The following EEPD1 variants were observed in gnomAD, a reference collection of about 807,000 sequenced individuals.
EEPD1 encodes the protein endonuclease/exonuclease/phosphatase family domain-containing protein 1.
Under a neutral mutation model 46.3 loss-of-function variants are expected in EEPD1, and 17 were observed. That is an observed-to-expected ratio of 0.37 (90% CI 0.25 to 0.55). EEPD1 has a LOEUF of 0.55. Among genes scored for constraint, EEPD1 ranks in the 20% least tolerant of loss-of-function variants. The pLI is 0.83. For missense variants in EEPD1, 673 were observed against 745.6 expected, an observed-to-expected ratio of 0.90 and a Z score of 1.13; for synonymous variants, 313 against 315.6, an observed-to-expected ratio of 0.99 and a Z score of 0.09.
chr7:36,251,459 C>T (rs939776596), intron 3 of EEPD1, among the ~76,000 whole-genome samples: 1 of 152,152 alleles, frequency 6.6e-6, no homozygotes, highest in African/African-American at 2.4e-5. Context: ...TACAGGCATG[C>T]ACCATCTTGC....
At position 36,160,686 on chromosome 7, in the gene EEPD1, G is replaced by A. The variant is rs866145356; in HGVS notation, c.878+5484G>A. Among the ~76,000 whole-genome samples, 622 of 149,478 alleles carry A rather than the reference G, an allele frequency of 4.2e-3. 21 individuals carry two copies. Among genetic ancestry groups the A allele is most frequent in the African/African-American group, 0.014 (591 of 41,004 alleles). On this transcript the variant is annotated intron_variant, in intron 2 of 7. Transcript: ENST00000242108. ...ACTGCTGGGAGGTGGTGGGGGGCGG[G>A]GCGTGCATGGAGAGGGTCCTGGGAG...
At chr7:36,199,081 A>G (rs1039740030) in intron 2 of EEPD1, among the ~76,000 whole-genome samples, 2 of 151,910 alleles carry the variant, frequency 1.3e-5, no homozygotes, top group Non-Finnish European at 2.9e-5. Context: ...GGAGGCACAC[A>G]TTTTGCATGC....
intron 7 of EEPD1, 146 bp from the exon 8 acceptor site, chr7:36,298,861 A>G: frequency 1.2e-6 from 1 of 846,312 alleles, no homozygotes; most frequent in Non-Finnish European, 1.9e-6. Context: ...AGGCAAATGC[A>G]CAGGCACCTT....
At chr7:36,219,806 A>AGAGTGTGTGTGTGTGTGT (rs1341203087) in intron 2 of EEPD1, among the ~76,000 whole-genome samples, 11 of 75,436 alleles carry the variant, frequency 1.5e-4, no homozygotes, top group African/African-American at 2.3e-4. Flanking sequence ...AGAGAGAGAG[A>AGAGTGTGTGTGTGTGTGT]GTGTGTGTGT....
chr7:36,276,168 G>A (rs949429732), intron 3 of EEPD1, among the ~76,000 whole-genome samples: 2 of 152,154 alleles, frequency 1.3e-5, no homozygotes, highest in African/African-American at 4.8e-5. Flanking sequence ...CACAGGATGA[G>A]GTAGGAGGTC....
Position 36,155,098 on chromosome 7 carries a change from G to A in EEPD1, c.774G>A (p.Arg258=), listed in dbSNP as rs749365066. The A allele has an allele frequency of 1.9e-6, 3 of 1,578,478 alleles. No homozygotes were observed. The highest frequency in any genetic ancestry group is 2.6e-6 in the Non-Finnish European group (3 of 1,161,848). The change falls in exon 2 of 8, where the codon AGG becomes AGA. Residue 258 remains arginine, a synonymous_variant. Transcript: ENST00000242108. ...CCTTTGGAGGCACAAGGGATGGGAG[G>A]CCTGTGCTGAGGCTGGCCACCTGGA... ...VEAFGGTRDG[R]PVLRLATWNL... is the part of the protein sequence containing the mutation.
chr7:36,195,924 C>G (rs997006429), intron 2 of EEPD1, among the ~76,000 whole-genome samples: 1 of 152,148 alleles, frequency 6.6e-6, no homozygotes, highest in Non-Finnish European at 1.5e-5. Flanking sequence ...TAGGCGATTT[C>G]TTCATTGTGC....
chr7:36,283,804 G>A (rs1380178790), intron 4 of EEPD1, among the ~76,000 whole-genome samples: 1 of 152,230 alleles, frequency 6.6e-6, no homozygotes, highest in Admixed American at 6.5e-5. Context: ...GCTCAGGAGG[G>A]TGGTTGTGCA....
At chr7:36,229,276 A>T (rs1176430656) in intron 2 of EEPD1, 1 of 152,238 alleles carries the variant, frequency 6.6e-6, no homozygotes, top group Non-Finnish European at 1.5e-5. Flanking sequence ...TAGTCCAGGC[A>T]TCATTAACAA....
chr7:36,299,429 G>A lies in EEPD1; in HGVS notation c.*223G>A, dbSNP rs536218033. ...CCAGGTGGGCAAAGCAGAAACCTGCGGGGAGCGGAGACGCCTTTTATCTCT... is the reference window on the plus strand; with the variant it reads ...CCAGGTGGGCAAAGCAGAAACCTGCAGGGAGCGGAGACGCCTTTTATCTCT... On this transcript the variant is annotated 3_prime_UTR_variant, in exon 8 of 8. Transcript: ENST00000242108. 5.5e-5 allele frequency: 33 copies of A among 599,730 alleles called. No homozygotes were observed. Among genetic ancestry groups the A allele is most frequent in the East Asian group, 1.1e-4 (4 of 35,448 alleles). The allele number at this position is 599,730 out of a possible 1,614,324, so 37.2% of individuals were successfully genotyped here.
chr7:36,238,842 A>T, intron 2 of EEPD1, 143 bp from the exon 3 acceptor site: 1 of 688,806 alleles, frequency 1.5e-6, no homozygotes, highest in South Asian at 2.3e-5. Flanking sequence ...ATTTTGATTT[A>T]AATAAAAGGT....
intron 2 of EEPD1, among the ~76,000 whole-genome samples, chr7:36,227,577 A>T (rs553300882): frequency 1.3e-5 from 2 of 152,234 alleles, no homozygotes; most frequent in African/African-American, 4.8e-5. Flanking sequence ...ACAGGCCTGC[A>T]TGTAACACCC....
At chr7:36,172,386 C>T (rs756600871) in intron 2 of EEPD1, among the ~76,000 whole-genome samples, 19 of 152,328 alleles carry the variant, frequency 1.2e-4, no homozygotes, top group Non-Finnish European at 1.9e-4. Flanking sequence ...GGTTCGAGAA[C>T]TTCCAGATGG....
intron 3 of EEPD1, among the ~76,000 whole-genome samples, chr7:36,272,961 C>G (rs968020965): frequency 4.6e-5 from 7 of 152,330 alleles, no homozygotes; most frequent in Non-Finnish European, 1.0e-4. Flanking sequence ...GGCCCACCAG[C>G]CCCGGCCCCT....
At chr7:36,223,895 A>G (rs749121445) in intron 2 of EEPD1, among the ~76,000 whole-genome samples, 32 of 152,228 alleles carry the variant, frequency 2.1e-4, no homozygotes, top group Non-Finnish European at 1.9e-4. Flanking sequence ...TAATATAATC[A>G]AGGCTTAGCA....
At chr7:36,238,060 C>A (rs1164767584) in intron 2 of EEPD1, among the ~76,000 whole-genome samples, 1 of 152,296 alleles carries the variant, frequency 6.6e-6, no homozygotes, top group Admixed American at 6.5e-5. Context: ...ATTCCCAGAA[C>A]TGAGGGTTCC....
intron 2 of EEPD1, among the ~76,000 whole-genome samples, chr7:36,196,569 G>T (rs1385912647): frequency 6.6e-6 from 1 of 152,212 alleles, no homozygotes; most frequent in East Asian, 1.9e-4. Flanking sequence ...GCGCCGCCAC[G>T]CCTGACTGGT....
At chr7:36,175,570 C>T (rs572404683) in intron 2 of EEPD1, among the ~76,000 whole-genome samples, 1 of 151,650 alleles carries the variant, frequency 6.6e-6, no homozygotes, top group African/African-American at 2.4e-5. Flanking sequence ...ATTAGAGTCA[C>T]ATTTAGTTGA....
In EEPD1 at chr7:36,154,832, C is replaced by G. The variant is rs1300470266; in HGVS notation, c.508C>G (p.Pro170Ala). 3.1e-6 allele frequency: 5 copies of G among 1,614,082 alleles called. No homozygotes were observed. Among genetic ancestry groups the G allele is most frequent in the Non-Finnish European group, 4.2e-6 (5 of 1,180,048 alleles). ...CGTGGACTTCCGCCGTGAGCATGGG[C>G]CCTTTCGCAGCGTTGAGGACCTAGT... is the stretch of plus-strand genomic sequence containing the variant. Reference protein sequence around the residue: ...SIVDFRREHGPFRSVEDLVRM... With the variant: ...SIVDFRREHGAFRSVEDLVRM... The change falls in exon 2 of 8, where the codon CCC becomes GCC. Residue 170 changes from proline (P) to alanine (A), a missense_variant. Pro to Ala is a conservative substitution (Grantham distance 27). Transcript: ENST00000242108. The surrounding 1 kb of genome is among the most constrained non-coding windows in gnomAD (Gnocchi z 4.2).
Sources: allele counts gnomAD v4.1 joint callset (sites outside exome capture counted in the v4.1 genomes callset), GRCh38; gene constraint gnomAD v4.1.1; non-coding constraint Gnocchi (gnomAD v3.1); transcripts MANE v1.5; gene names NCBI Gene and HGNC (gene_info 2026-07-23, HGNC 2026-07-21).